SEC14L3: variants seen among roughly 807,000 people sequenced by gnomAD.
The protein encoded by SEC14L3 is SEC14-like protein 3.
In SEC14L3, 56 loss-of-function variants were observed where a neutral mutation model predicts 57.4. That is an observed-to-expected ratio of 0.97 (90% CI 0.79 to 1.22). The LOEUF is 1.22. Among genes scored for constraint, SEC14L3 ranks in the 50% most tolerant of loss-of-function variants. SEC14L3 has a pLI of 0.00. For synonymous variants in SEC14L3, 173 were observed against 194.4 expected (o/e 0.89, Z 0.92); for missense variants, 485 against 511.7 (o/e 0.95, Z 0.50).
In SEC14L3 at chr22:30,468,675, C is replaced by A. The variant is rs1935505092; in HGVS notation, c.256G>T (p.Gly86Trp). Residue 86 changes from glycine to tryptophan, a missense_variant, in exon 5 of 12, where the codon GGG (glycine) becomes TGG (tryptophan). Coordinates refer to ENST00000215812, the MANE Select transcript of SEC14L3 (RefSeq NM_174975.5). Reference sequence around the variant, plus strand: ...TCACGGTCATAGCCACACAGGCCCCCAGGCATGTACTTCTGGATCACCTGG... The same window carrying A: ...TCACGGTCATAGCCACACAGGCCCCAAGGCATGTACTTCTGGATCACCTGG... Reference protein sequence around the residue: ...PPEVIQKYMPGGLCGYDRDGC... With the variant: ...PPEVIQKYMPWGLCGYDRDGC... 2 of 1,613,554 alleles carry A rather than the reference C, an allele frequency of 1.2e-6. No individual in the cohort carries two copies. The highest frequency in any genetic ancestry group is 2.7e-5 in the African/African-American group (2 of 74,904).
At chr22:30,467,170 A>G in intron 5 of SEC14L3, 93 bp from the exon 6 acceptor site, 2 of 1,571,338 alleles carry the variant, frequency 1.3e-6, no homozygotes, top group Non-Finnish European at 1.7e-6. Flanking sequence ...GGCTTCTTCT[A>G]GACCCCGACT....
rs1000298700 is a variant in SEC14L3, at chr22:30,470,048, C to G, written c.205G>C (p.Asp69His). 1.3e-6 allele frequency: 2 copies of G among 1,590,022 alleles called. No individual in the cohort carries two copies. The highest frequency in any genetic ancestry group is 2.7e-5 in the African/African-American group (2 of 74,138). The part of the protein sequence containing the change: ...YMEFRKTMDI[D>H]HILDWQPPEV... ...GGGGGCTGCCAATCAAGGATATGGT[C>G]AATATCCATGGTCTTCCGGAACTCC... Residue 69 changes from aspartate (D) to histidine (H), a missense_variant, in exon 4 of 12, where the codon GAC becomes CAC. Coordinates refer to ENST00000215812, the MANE Select transcript of SEC14L3 (RefSeq NM_174975.5).
downstream of SEC14L3, among the ~76,000 whole-genome samples, chr22:30,458,056 C>T (rs1213997854): frequency 3.3e-5 from 5 of 152,216 alleles, no homozygotes; most frequent in African/African-American, 7.2e-5. Flanking sequence ...AGCCTGCCCA[C>T]GGATGAGCTC....
At chr22:30,468,018 C>A (rs1245303901) in intron 5 of SEC14L3, among the ~76,000 whole-genome samples, 1 of 152,128 alleles carries the variant, frequency 6.6e-6, no homozygotes, top group East Asian at 1.9e-4. Flanking sequence ...CGGTGGCTCA[C>A]GCCTGTAATC....
chr22:30,456,316 A>AAAC (rs1271515561), downstream of SEC14L3, among the ~76,000 whole-genome samples: 2 of 151,064 alleles, frequency 1.3e-5, no homozygotes, highest in African/African-American at 4.9e-5. Flanking sequence ...AAAAAAAAAA[A>AAAC]AACAAACACC....
chr22:30,455,146 A>T (rs1935093698), downstream of SEC14L3, among the ~76,000 whole-genome samples: 1 of 8,562 alleles, frequency 1.2e-4, no homozygotes, highest in Admixed American at 2.9e-3. Context: ...AATATTTAAT[A>T]TATATTATAT....
At chr22:30,452,567 A>G (rs1233216975) in intron 12 of SEC14L3, among the ~76,000 whole-genome samples, 3 of 151,812 alleles carry the variant, frequency 2.0e-5, no homozygotes, top group Non-Finnish European at 4.4e-5. Flanking sequence ...CCTGTCACCT[A>G]CTAATCTCAG....
At chr22:30,463,946 G>A (rs1601820043) in intron 8 of SEC14L3, among the ~76,000 whole-genome samples, 2 of 152,046 alleles carry the variant, frequency 1.3e-5, no homozygotes, top group Admixed American at 6.5e-5. Context: ...TGTATTTATT[G>A]TACATATGTT....
intron 9 of SEC14L3, 107 bp downstream of exon 9, chr22:30,461,979 C>G: frequency 8.2e-7 from 1 of 1,226,776 alleles, no homozygotes; most frequent in South Asian, 1.3e-5. Context: ...GCTTAACACC[C>G]AGTTCTTGGC....
Position 30,461,658 on chromosome 22 carries a change from C to T in SEC14L3, c.808G>A (p.Val270Met), listed in dbSNP as rs114917409. 34 of 1,612,452 alleles carry T rather than the reference C, an allele frequency of 2.1e-5. No homozygotes were observed. Among genetic ancestry groups the T allele is most frequent in the Non-Finnish European group, 2.8e-5 (33 of 1,179,228 alleles). The change falls in exon 10 of 12, where the codon GTG (valine) becomes ATG (methionine). Residue 270 changes from valine (V) to methionine (M), a missense_variant. Physicochemically the swap from Val to Met is conservative, Grantham distance 21. Transcript: ENST00000215812. The part of the protein sequence containing the change: ...YGGEIPKSMY[V>M]RDQVKTQYEH... ...TACTGAGTCTTCACCTGGTCCCGCACGTACATGGACTTGGGGATCTCCCCG... is the reference window on the plus strand; with the variant it reads ...TACTGAGTCTTCACCTGGTCCCGCATGTACATGGACTTGGGGATCTCCCCG...
intron 12 of SEC14L3, among the ~76,000 whole-genome samples, chr22:30,453,348 C>T (rs1935023084): frequency 6.6e-6 from 1 of 152,230 alleles, no homozygotes; most frequent in African/African-American, 2.4e-5. Context: ...ACCAGTCCCA[C>T]ATTGATAGAC....
At chr22:30,453,567 C>G (rs2146085477) in intron 12 of SEC14L3, among the ~76,000 whole-genome samples, 1 of 152,260 alleles carries the variant, frequency 6.6e-6, no homozygotes, top group Non-Finnish European at 1.5e-5. Context: ...CATGCACCAC[C>G]ACGCCCAGCT....
intron 11 of SEC14L3, among the ~76,000 whole-genome samples, chr22:30,460,385 T>A (rs1935215588): frequency 6.6e-6 from 1 of 152,168 alleles, no homozygotes; most frequent in South Asian, 2.1e-4. Context: ...AGAACAATGG[T>A]CATTACATCC....
At chr22:30,466,953 C>A in intron 6 of SEC14L3, 29 bp downstream of exon 6, 2 of 1,592,740 alleles carry the variant, frequency 1.3e-6, no homozygotes, top group African/African-American at 1.3e-5. Flanking sequence ...TCAAAGCAAG[C>A]GGGGGGTGGC....
intron 8 of SEC14L3, among the ~76,000 whole-genome samples, chr22:30,463,313 C>T (rs1935324324): frequency 6.6e-6 from 1 of 152,208 alleles, no homozygotes; most frequent in African/African-American, 2.4e-5. Context: ...GTTACCATGC[C>T]CCAGCCTTAT....
intron 7 of SEC14L3, among the ~76,000 whole-genome samples, chr22:30,465,928 T>C (rs17738020): frequency 0.09 from 13,693 of 152,094 alleles, 792 homozygotes; most frequent in Non-Finnish European, 0.13. Flanking sequence ...ACAACAAAAG[T>C]GGAGAATCAC....
rs111620408 is a variant in SEC14L3 at position 30,467,183 on chromosome 22, G to C, written c.424-106C>G. The C allele has an allele frequency of 3.6e-5, 54 of 1,496,886 alleles. 1 individual carries two copies. The highest frequency in any genetic ancestry group is 3.6e-4 in the African/African-American group (26 of 72,138). The allele number at this position is 1,496,886 out of a possible 1,614,324, so 92.7% of individuals were successfully genotyped here. A position where few individuals can be genotyped will look rare whatever the true frequency, so the allele number is the denominator to read the frequency against. On this transcript the variant is annotated intron_variant, in intron 5 of 11. Coordinates refer to ENST00000215812, the MANE Select transcript of SEC14L3 (RefSeq NM_174975.5). ...GGGGCTTCTTCTAGACCCCGACTCT[G>C]TCCTCAGAGGAACAAGTAGACTAAC...
downstream of SEC14L3, among the ~76,000 whole-genome samples, chr22:30,455,698 A>G (rs1377630915): frequency 6.6e-6 from 1 of 152,118 alleles, no homozygotes; most frequent in Non-Finnish European, 1.5e-5. Flanking sequence ...CCTCATTAGC[A>G]CCAGCATAGT....
chr22:30,450,315 A>AT (rs927650184), intron 12 of SEC14L3, among the ~76,000 whole-genome samples: 5 of 151,216 alleles, frequency 3.3e-5, no homozygotes, highest in African/African-American at 4.9e-5. Context: ...TCTTATTTTT[A>AT]TTTTTTTTGA....
Sources: allele counts gnomAD v4.1 joint callset (sites outside exome capture counted in the v4.1 genomes callset), GRCh38; gene constraint gnomAD v4.1.1; transcripts MANE v1.5; gene names NCBI Gene and HGNC (gene_info 2026-07-23, HGNC 2026-07-21).